The following B3GALT1 variants were observed in gnomAD, a reference collection of about 807,000 sequenced individuals.
B3GALT1 encodes the protein beta-1,3-galactosyltransferase 1.
A neutral mutation model predicts 23.2 loss-of-function variants in B3GALT1; 10 were observed. The ratio of observed to expected loss-of-function variants is 0.43; its 90% CI spans 0.27 to 0.73. The LOEUF is 0.73. B3GALT1 is among the 30% of genes least tolerant of loss of function. The pLI is 0.21. For synonymous variants in B3GALT1, 156 were observed against 141.5 expected (o/e 1.10, Z -0.73); for missense variants, 299 against 405.4 (o/e 0.74, Z 2.25).
chr2:167,397,622 G>A (rs1368070006), intron 1 of B3GALT1, among the ~76,000 whole-genome samples: 1 of 152,052 alleles, frequency 6.6e-6, no homozygotes, highest in East Asian at 1.9e-4. Flanking sequence ...GTTTTATATT[G>A]CATATGTAAC....
At chr2:167,678,754 G>A (rs1686473017) in intron 3 of B3GALT1, among the ~76,000 whole-genome samples, 1 of 152,136 alleles carries the variant, frequency 6.6e-6, no homozygotes, top group African/African-American at 2.4e-5. Context: ...AGCTCAAATG[G>A]TAATCAAAAT....
chr2:167,858,344 TAAA>T (rs77883366), intron 4 of B3GALT1, among the ~76,000 whole-genome samples: 3 of 68,948 alleles, frequency 4.4e-5, no homozygotes, highest in Non-Finnish European at 6.3e-5. Context: ...AAGAGCGAAG[TAAA>T]AAAAAAAAAA....
At position 167,803,315 on chromosome 2, in the gene B3GALT1, G is replaced by A. The variant is rs534312583; in HGVS notation, c.-351-15357G>A. ...CAAATAGACTTCCTATTCCAAAATA[G>A]CTCAATTATGTTTTGATTGCAACAT... On this transcript the variant is annotated intron_variant, in intron 3 of 4. Coordinates refer to ENST00000392690, the MANE Select transcript of B3GALT1 (RefSeq NM_020981.4). Among the ~76,000 whole-genome samples, 5 of 152,234 alleles carry A rather than the reference G, an allele frequency of 3.3e-5. No individual in the cohort carries two copies. In the East Asian group the frequency reaches 9.6e-4, roughly 29 times the overall value.
intron 1 of B3GALT1, among the ~76,000 whole-genome samples, chr2:167,407,963 T>A (rs2105293200): frequency 6.6e-6 from 1 of 150,802 alleles, no homozygotes; most frequent in Non-Finnish European, 1.5e-5. Context: ...AGGCAATACT[T>A]TAAAACTCAT....
chr2:167,651,698 C>T (rs1432947998), intron 3 of B3GALT1, among the ~76,000 whole-genome samples: 1 of 152,084 alleles, frequency 6.6e-6, no homozygotes, highest in African/African-American at 2.4e-5. Context: ...TTCCTTTTAT[C>T]AAAGACTCAG....
intron 2 of B3GALT1, among the ~76,000 whole-genome samples, chr2:167,617,855 C>G (rs935643099): frequency 6.6e-6 from 1 of 152,052 alleles, no homozygotes; most frequent in African/African-American, 2.4e-5. Context: ...CTCTTTAATG[C>G]ACTGTCTCCC....
At chr2:167,479,862 A>G (rs1574096547) in intron 1 of B3GALT1, among the ~76,000 whole-genome samples, 2 of 152,030 alleles carry the variant, frequency 1.3e-5, no homozygotes, top group Non-Finnish European at 2.9e-5. Context: ...GAGGCTTTCA[A>G]ATAGTTTTGT....
At chr2:167,431,563 A>G (rs967382917) in intron 1 of B3GALT1, among the ~76,000 whole-genome samples, 2 of 152,156 alleles carry the variant, frequency 1.3e-5, no homozygotes, top group African/African-American at 4.8e-5. Context: ...TCCTTAATTC[A>G]TTTTTCTTGA....
intron 1 of B3GALT1, among the ~76,000 whole-genome samples, chr2:167,313,703 T>C (rs1696666492): frequency 6.6e-6 from 1 of 152,110 alleles, no homozygotes; most frequent in African/African-American, 2.4e-5. Context: ...TGCAAGGTGG[T>C]CTCTGGTCCT....
At chr2:167,608,478 G>T (rs533479099) in intron 2 of B3GALT1, among the ~76,000 whole-genome samples, 1 of 152,182 alleles carries the variant, frequency 6.6e-6, no homozygotes, top group South Asian at 2.1e-4. Context: ...TTAAATTTAG[G>T]TGTTTTGATA....
chr2:167,452,535 AC>A (rs984558488), intron 1 of B3GALT1, among the ~76,000 whole-genome samples: 2 of 152,072 alleles, frequency 1.3e-5, no homozygotes, highest in African/African-American at 2.4e-5. Flanking sequence ...CACTTTGGGC[AC>A]TCACAGTTCT....
intron 3 of B3GALT1, among the ~76,000 whole-genome samples, chr2:167,756,421 T>C (rs2105292560): frequency 6.6e-6 from 1 of 152,330 alleles, no homozygotes; most frequent in Admixed American, 6.5e-5. Flanking sequence ...CAAATACTCT[T>C]GTTGATCGCA....
rs369052037 is a variant in B3GALT1 at position 167,304,723 on chromosome 2, AAGAG to A, written c.-511+11397_-511+11400del. 5.2e-3 allele frequency among the ~76,000 whole-genome samples: 788 copies of A among 152,172 alleles called. 9 individuals carry two copies. Among genetic ancestry groups the A allele is most frequent in the Admixed American group, 0.031 (475 of 15,254 alleles). On this transcript the variant is annotated intron_variant, in intron 1 of 4. Coordinates refer to ENST00000392690, the MANE Select transcript of B3GALT1 (RefSeq NM_020981.4). ...AGAATTGGCTCAGGAGAGACAGAGA[AAGAG>A]AGAGAGATTCTAAGAATTGGCTTAT...
At chr2:167,574,331 C>T (rs1203791063) in intron 2 of B3GALT1, among the ~76,000 whole-genome samples, 1 of 151,688 alleles carries the variant, frequency 6.6e-6, no homozygotes, top group Non-Finnish European at 1.5e-5. Context: ...ATTGAAGCCA[C>T]TAAATCTACA....
intron 2 of B3GALT1, among the ~76,000 whole-genome samples, chr2:167,618,451 TATTCCAGGA>T (rs1038543603): frequency 4.6e-4 from 70 of 152,118 alleles, no homozygotes; most frequent in Non-Finnish European, 8.8e-4. Context: ...GACCTGCCTT[TATTCCAGGA>T]TACCTCTATA....
intron 3 of B3GALT1, among the ~76,000 whole-genome samples, chr2:167,755,929 G>GGAGC: frequency 6.6e-6 from 1 of 152,116 alleles, no homozygotes; most frequent in East Asian, 1.9e-4. Context: ...GAGCCATGAT[G>GGAGC]GAGCCACTGC....
At chr2:167,524,045 C>G (rs1683180078) in intron 2 of B3GALT1, among the ~76,000 whole-genome samples, 1 of 152,122 alleles carries the variant, frequency 6.6e-6, no homozygotes, top group African/African-American at 2.4e-5. Context: ...TTAAAAACTT[C>G]TAACATTTAG....
chr2:167,733,872 A>G (rs1377818808), intron 3 of B3GALT1, among the ~76,000 whole-genome samples: 1 of 152,196 alleles, frequency 6.6e-6, no homozygotes, highest in African/African-American at 2.4e-5. Flanking sequence ...GACAGGATCC[A>G]TGACACACTG....
At chr2:167,697,341 T>C (rs1052740603) in intron 3 of B3GALT1, among the ~76,000 whole-genome samples, 1 of 152,212 alleles carries the variant, frequency 6.6e-6, no homozygotes. Flanking sequence ...GACCAGTTCC[T>C]TTCATCCTAG....
Sources: gnomAD v4.1 joint callset for allele counts (sites outside exome capture counted in the v4.1 genomes callset) on GRCh38, gnomAD v4.1.1 for gene constraint, MANE v1.5 for transcripts, NCBI Gene and HGNC (gene_info 2026-07-23, HGNC 2026-07-21) for gene names.